KCTD10: variants seen among roughly 807,000 people sequenced by gnomAD.
The protein encoded by KCTD10 is potassium channel tetramerization domain containing 10.
KCTD10 carries 13 observed loss-of-function variants against 34.6 expected under a neutral mutation model. The observed-to-expected ratio is 0.38, with a 90% confidence interval of 0.24 to 0.60. The LOEUF (loss-of-function observed/expected upper bound fraction) is 0.60. Among genes scored for constraint, KCTD10 ranks in the 20% least tolerant of loss-of-function variants. The pLI is 0.66. For synonymous variants in KCTD10, 156 were observed against 168.8 expected (o/e 0.92, Z 0.59); for missense variants, 256 against 420.3 (o/e 0.61, Z 3.42).
chr12:109,457,929 T>C, intron 4 of KCTD10, 63 bp downstream of exon 4: 1 of 1,364,484 alleles, frequency 7.3e-7, no homozygotes, highest in East Asian at 2.3e-5. Context: ...TCAAAAGTTA[T>C]TCAGAAGAAC....
chr12:109,467,404 G>C (rs1212133099), intron 2 of KCTD10, among the ~76,000 whole-genome samples: 1 of 152,160 alleles, frequency 6.6e-6, no homozygotes, highest in East Asian at 1.9e-4. Context: ...AGGATGGCTT[G>C]AGCCCAGGAG....
At chr12:109,469,844 A>C in intron 1 of KCTD10, 116 bp from the exon 2 acceptor site, 1 of 1,472,626 alleles carries the variant, frequency 6.8e-7, no homozygotes. Flanking sequence ...CACAGCATTT[A>C]AAAGTTTGCT....
chr12:109,469,515 C>A lies in KCTD10; in HGVS notation c.217G>T (p.Gly73Cys). ...GCAGGCACATGGTGGGTGAGCTTAC[C>A]TTCACTGTCGGTGAGCACTTCCATG... ...GRMEVLTDSE[G>C]WILIDRCGKH... Residue 73 changes from glycine to cysteine, a missense_variant and splice_region_variant, in exon 2 of 7, where the codon GGC becomes TGC. By Grantham distance (159) the Gly-to-Cys change is radical. Around this residue, in one of 3 missense-constraint regions of KCTD10, gnomAD observed 155 missense variants for 207.0 expected, o/e 0.75. Coordinates refer to ENST00000228495, the MANE Select transcript of KCTD10 (RefSeq NM_031954.5). 1 of 1,613,834 alleles carries A rather than the reference C, an allele frequency of 6.2e-7. No individual in the cohort carries two copies. Among genetic ancestry groups the A allele is most frequent in the Non-Finnish European group, 8.5e-7 (1 of 1,179,886 alleles).
At chr12:109,466,692 CCTCTCCTGAAG>C (rs745556709) in intron 2 of KCTD10, among the ~76,000 whole-genome samples, 22 of 152,214 alleles carry the variant, frequency 1.4e-4, no homozygotes, top group Non-Finnish European at 2.9e-4. Flanking sequence ...TGCCAGGTCC[CCTCTCCTGAAG>C]CAATCACTTT....
At chr12:109,471,391 C>A (rs1873878266) in intron 1 of KCTD10, 1 of 985,332 alleles carries the variant, frequency 1.0e-6, no homozygotes, top group South Asian at 4.7e-5. Context: ...CAGAGTGAAA[C>A]AGAGAAAGAA....
rs377314709 is a variant in KCTD10 at position 109,460,713 on chromosome 12, C to G, written c.310G>C (p.Glu104Gln). 54 of 1,614,180 alleles carry G rather than the reference C, an allele frequency of 3.3e-5. No individual in the cohort carries two copies. The highest frequency in any genetic ancestry group is 1.0e-4 in the Admixed American group (6 of 60,022). ...GCTTCTGCTAGCAGCTCCTCGATCT[C>G]CCGGCGGCTCTCGGGTAAAGGCACC... ...GAVPLPESRR[E>Q]IEELLAEAKY... is the part of the protein sequence containing the mutation. Residue 104 changes from glutamate to glutamine, a missense_variant, in exon 3 of 7, where the codon GAG becomes CAG. Physicochemically the swap from Glu to Gln is conservative, Grantham distance 29 (BLOSUM62 2). Around this residue, in one of 3 missense-constraint regions of KCTD10, gnomAD observed 155 missense variants for 207.0 expected, o/e 0.75. Coordinates refer to ENST00000228495, the MANE Select transcript of KCTD10 (RefSeq NM_031954.5). The surrounding 1 kb of genome is among the most constrained non-coding windows in gnomAD (Gnocchi z 4.5).
At chr12:109,459,819 T>G (rs1249662593) in intron 3 of KCTD10, among the ~76,000 whole-genome samples, 1 of 152,200 alleles carries the variant, frequency 6.6e-6, no homozygotes, top group African/African-American at 2.4e-5. Context: ...TTCACAGAGG[T>G]TACTGCAAGG....
At chr12:109,462,324 G>GCGGCTTCCA (rs1873373516) in intron 2 of KCTD10, among the ~76,000 whole-genome samples, 1 of 152,250 alleles carries the variant, frequency 6.6e-6, no homozygotes, top group Admixed American at 6.5e-5. Context: ...CCACCCTCCA[G>GCGGCTTCCA]CGGCTTCCAC....
chr12:109,469,664 G>A lies in KCTD10; in HGVS notation c.68C>T (p.Ser23Phe). ...AVPAAATRTT[S>F]FKGTSPSSKY... Reference sequence around the variant, plus strand: ...GGAGCTGGGGCTCGTGCCCTTGAAGGAAGTGGTGCGGGTAGCAGCCGCTGG... The same window carrying A: ...GGAGCTGGGGCTCGTGCCCTTGAAGAAAGTGGTGCGGGTAGCAGCCGCTGG... The change falls in exon 2 of 7, where the codon TCC (serine) becomes TTC (phenylalanine). Residue 23 changes from serine to phenylalanine, a missense_variant. Transcript: ENST00000228495. 2 of 1,614,214 alleles carry A rather than the reference G, an allele frequency of 1.2e-6. No homozygotes were observed. Among genetic ancestry groups the A allele is most frequent in the Non-Finnish European group, 1.7e-6 (2 of 1,180,042 alleles).
chr12:109,451,894 G>C lies in KCTD10; in HGVS notation c.724-81C>G, dbSNP rs1470034415. 2 of 1,093,728 alleles carry C rather than the reference G, an allele frequency of 1.8e-6. No individual in the cohort carries two copies. The highest frequency in any genetic ancestry group is 2.6e-6 in the Non-Finnish European group (2 of 780,272). 67.8% of individuals were successfully genotyped at this position (1,093,728 alleles called of 1,614,324 possible). On this transcript the variant is annotated intron_variant, in intron 6 of 6. Coordinates refer to ENST00000228495, the MANE Select transcript of KCTD10 (RefSeq NM_031954.5). The surrounding 1 kb of genome is among the most constrained non-coding windows in gnomAD (Gnocchi z 5.0). ...ACCTGGACTTTAAGCAGGGCCGCCA[G>C]GCTAAATCAGGCCCCTGGGATTCTG...
chr12:109,466,897 G>A (rs548585180), intron 2 of KCTD10, among the ~76,000 whole-genome samples: 205 of 152,400 alleles, frequency 1.3e-3, no homozygotes, highest in African/African-American at 4.8e-3. Flanking sequence ...GCAGGATGCA[G>A]GGAGTCTATC....
chr12:109,450,313 C>T lies in KCTD10; in HGVS notation c.*1282G>A, dbSNP rs545796182. The T allele has an allele frequency of 7.5e-6, 3 of 397,984 alleles. No individual in the cohort carries two copies. Among genetic ancestry groups the T allele is most frequent in the East Asian group, 3.6e-5 (1 of 28,046 alleles). The allele number at this position is 397,984 out of a possible 1,614,324, so 24.7% of individuals were successfully genotyped here. On this transcript the variant is annotated 3_prime_UTR_variant, in exon 7 of 7. Transcript: ENST00000228495. ...TGGGAGGTAGGTCACTGAGAACACC[C>T]GTCCTACATAGGCGCTGCGCCCAGC...
At chr12:109,457,809 T>A in intron 4 of KCTD10, 127 bp from the exon 5 acceptor site, 1 of 1,128,996 alleles carries the variant, frequency 8.9e-7, no homozygotes, top group Non-Finnish European at 1.3e-6. Flanking sequence ...GCTTGCTGGC[T>A]GGAGAGGGGG....
At chr12:109,465,128 A>G (rs982065801) in intron 2 of KCTD10, among the ~76,000 whole-genome samples, 1 of 152,208 alleles carries the variant, frequency 6.6e-6, no homozygotes, top group African/African-American at 2.4e-5. Context: ...GAAAGCGTTC[A>G]AGGATGTTCA....
chr12:109,469,170 G>T, intron 2 of KCTD10: 1 of 286,900 alleles, frequency 3.5e-6, no homozygotes, highest in Non-Finnish European at 6.7e-6. Flanking sequence ...AGGATCACCA[G>T]ATACTAATGG....
At chr12:109,453,683 G>T (rs1943939778) in intron 6 of KCTD10, among the ~76,000 whole-genome samples, 1 of 152,176 alleles carries the variant, frequency 6.6e-6, no homozygotes, top group South Asian at 2.1e-4. Context: ...CATGGTTACA[G>T]AAAGTGGGTG....
chr12:109,465,654 G>A (rs1163524093), intron 2 of KCTD10, among the ~76,000 whole-genome samples: 1 of 152,194 alleles, frequency 6.6e-6, no homozygotes, highest in East Asian at 1.9e-4. Context: ...CATACTTTAT[G>A]CCTGGGCTGA....
At chr12:109,475,307 C>CA (rs1566060861) in intron 1 of KCTD10, among the ~76,000 whole-genome samples, 1 of 151,196 alleles carries the variant, frequency 6.6e-6, no homozygotes, top group African/African-American at 2.4e-5. Context: ...CTAATCTCCA[C>CA]AAAAAAATTA....
chr12:109,457,831 C>A (rs4766605), intron 4 of KCTD10, 149 bp from the exon 5 acceptor site: 170,562 of 1,007,988 alleles, frequency 0.17, 14,979 homozygotes, highest in Middle Eastern at 0.19. Context: ...CCACATGACC[C>A]AATAGCAGGG....
Sources: gnomAD v4.1 joint callset for allele counts (sites outside exome capture counted in the v4.1 genomes callset) on GRCh38, gnomAD v4.1.1 for gene constraint, gnomAD v4.1.1 regional missense constraint, Gnocchi (gnomAD v3.1) non-coding constraint, MANE v1.5 for transcripts, NCBI Gene and HGNC (gene_info 2026-07-23, HGNC 2026-07-21) for gene names.